The following ANKRD17 variants were observed in gnomAD, a reference collection of about 807,000 sequenced individuals.
ANKRD17 encodes the protein ankyrin repeat domain-containing protein 17.
Under a neutral mutation model 229.7 loss-of-function variants are expected in ANKRD17, and 19 were observed. The ratio of observed to expected loss-of-function variants is 0.08; its 90% CI spans 0.06 to 0.12. The LOEUF is 0.12. Among genes scored for constraint, ANKRD17 ranks in the 10% least tolerant of loss-of-function variants. The pLI is 1.00. For missense variants in ANKRD17, 2,176 were observed against 3,176.8 expected (o/e 0.68, Z 7.57); for synonymous variants, 1,112 against 1,146.1 (o/e 0.97, Z 0.60).
chr4:73,158,143 A>G (rs1029072494), intron 3 of ANKRD17, among the ~76,000 whole-genome samples: 1 of 134,544 alleles, frequency 7.4e-6, no homozygotes, highest in Non-Finnish European at 1.6e-5. Context: ...AGAAAGAAAG[A>G]AAGGAAGAAA....
rs370646965 is a variant in ANKRD17 at position 73,147,305 on chromosome 4, A to C, written c.1695T>G (p.Ser565=). 5.6e-6 allele frequency: 9 copies of C among 1,607,588 alleles called. No homozygotes were observed. The Admixed American group carries it at 1.5e-4, about 27-fold the overall frequency. The change falls in exon 9 of 34, where the codon TCT becomes TCG. Residue 565 remains serine, a synonymous_variant. Coordinates refer to ENST00000358602, the MANE Select transcript of ANKRD17 (RefSeq NM_032217.5). ...CTTGAGCAGCTTCCATTAAAGGGGT[A>C]GAACACCCTAGTTCTATATCGGCTC... ...KAGADIELGC[S]TPLMEAAQEG...
Position 73,258,616 on chromosome 4 carries a change from C to T in ANKRD17, c.53G>A (p.Gly18Glu). The T allele has an allele frequency of 2.0e-6, 3 of 1,484,968 alleles. No homozygotes were observed. Among genetic ancestry groups the T allele is most frequent in the Non-Finnish European group, 2.7e-6 (3 of 1,127,102 alleles). 92.0% of individuals were successfully genotyped at this position (1,484,968 alleles called of 1,614,324 possible). Residue 18 changes from glycine to glutamate, a missense_variant, in exon 1 of 34, where the codon GGG becomes GAG. Coordinates refer to ENST00000358602, the MANE Select transcript of ANKRD17 (RefSeq NM_032217.5). ...VAAATAAEGE[G>E]SPPAVAAVAG... is the part of the protein sequence containing the mutation. The stretch of plus-strand genomic sequence containing the variant: ...CACAGCCGCCACCGCCGGGGGGCTC[C>T]CTTCTCCTTCTGCAGCCGTCGCCGC...
At chr4:73,212,964 T>C (rs949026551) in intron 1 of ANKRD17, among the ~76,000 whole-genome samples, 1 of 148,280 alleles carries the variant, frequency 6.7e-6, no homozygotes, top group Non-Finnish European at 1.5e-5. Flanking sequence ...GAGGTGGAGG[T>C]TGCAGTGAGC....
chr4:73,224,564 CT>C (rs1205127264), intron 1 of ANKRD17, among the ~76,000 whole-genome samples: 3 of 151,948 alleles, frequency 2.0e-5, no homozygotes, highest in Non-Finnish European at 2.9e-5. Context: ...TATATGATTT[CT>C]TTTTTTAAAA....
At chr4:73,151,373 ACT>A in intron 7 of ANKRD17, 55 bp downstream of exon 7, 1 of 1,506,476 alleles carries the variant, frequency 6.6e-7, no homozygotes, top group Non-Finnish European at 9.2e-7. Context: ...ATTGTATACT[ACT>A]CTGTCTCTCC....
chr4:73,090,870 G>A lies in ANKRD17; in HGVS notation c.6758C>T (p.Pro2253Leu), dbSNP rs1355672573. The change falls in exon 29 of 34, where the codon CCC becomes CTC. Residue 2253 changes from proline (P) to leucine (L), a missense_variant. By Grantham distance (98) the Pro-to-Leu change is moderately conservative. Around this residue, in one of 18 missense-constraint regions of ANKRD17, gnomAD observed 424 missense variants for 454.0 expected, o/e 0.93. Coordinates refer to ENST00000358602, the MANE Select transcript of ANKRD17 (RefSeq NM_032217.5). The stretch of plus-strand genomic sequence containing the variant: ...GCTGTTTTCAAACAATGTGCTAAAG[G>A]GCCCAAATGGTAAGGGGGCACTGAA... ...PNFSAPLPFG[P>L]FSTLFENSPT... 1 of 1,614,066 alleles carries A rather than the reference G, an allele frequency of 6.2e-7. No homozygotes were observed. The highest frequency in any genetic ancestry group is 1.3e-5 in the African/African-American group (1 of 74,898).
chr4:73,252,021 T>C (rs1331499801), intron 1 of ANKRD17, among the ~76,000 whole-genome samples: 3 of 152,202 alleles, frequency 2.0e-5, no homozygotes, highest in Non-Finnish European at 4.4e-5. Flanking sequence ...CTACTGTAAA[T>C]AATAGCTGCA....
intron 25 of ANKRD17, chr4:73,101,241 A>G (rs546932350): frequency 1.0e-6 from 1 of 970,928 alleles, no homozygotes; most frequent in East Asian, 1.1e-4. Context: ...TAACCTAGTT[A>G]AAAATGATTC....
Position 73,155,693 on chromosome 4 carries a change from T to C in ANKRD17, c.938A>G (p.His313Arg), listed in dbSNP as rs748075179. 3.7e-6 allele frequency: 6 copies of C among 1,614,180 alleles called. No homozygotes were observed. The South Asian group carries it at 5.5e-5, about 15-fold the overall frequency. ...TPLMAAANGG[H>R]VKIVKLLLAH... ...TAGCAGCAACTTCACAATTTTGACA[T>C]GTCCTCCATTAGCAGCAGCCATTAA... The change falls in exon 5 of 34, where the codon CAT becomes CGT. Residue 313 changes from histidine (H) to arginine (R), a missense_variant. This residue lies in a region of ANKRD17 where 184 missense variants were observed against 357.8 expected (regional missense o/e 0.51). Transcript: ENST00000358602.
intron 1 of ANKRD17, among the ~76,000 whole-genome samples, chr4:73,251,458 T>C (rs1280758576): frequency 6.6e-6 from 1 of 152,010 alleles, no homozygotes; most frequent in Non-Finnish European, 1.5e-5. Flanking sequence ...ACCAGATAGG[T>C]AAGATTCAAG....
rs889159164 is a variant in ANKRD17 at position 73,112,752 on chromosome 4, G to C, written c.4401+1040C>G. On this transcript the variant is annotated intron_variant, in intron 24 of 33. Coordinates refer to ENST00000358602, the MANE Select transcript of ANKRD17 (RefSeq NM_032217.5). ...ATCTCCTTTATAAATTTAAATAGTA[G>C]ATGTTAAATTTTATAGCATTTTGAC... 9 of 788,998 alleles carry C rather than the reference G, an allele frequency of 1.1e-5. No individual in the cohort carries two copies. In the African/African-American group the frequency reaches 1.7e-4, roughly 15 times the overall value. 48.9% of individuals were successfully genotyped at this position (788,998 alleles called of 1,614,324 possible). A position where few individuals can be genotyped will look rare whatever the true frequency, so the allele number is the denominator to read the frequency against.
chr4:73,150,053 T>C (rs2148861167), intron 7 of ANKRD17, among the ~76,000 whole-genome samples: 1 of 152,310 alleles, frequency 6.6e-6, no homozygotes, highest in East Asian at 1.9e-4. Context: ...TTTTTGCCTC[T>C]ATGCTTGTCA....
chr4:73,155,980 A>T (rs762439118), intron 4 of ANKRD17, 39 bp downstream of exon 4: 52 of 1,537,404 alleles, frequency 3.4e-5, no homozygotes, highest in Non-Finnish European at 4.1e-5. Flanking sequence ...GCCAGTTTTT[A>T]AAAAAACAAC....
At chr4:73,181,385 T>C (rs1300735020) in intron 1 of ANKRD17, among the ~76,000 whole-genome samples, 3 of 151,956 alleles carry the variant, frequency 2.0e-5, no homozygotes, top group Non-Finnish European at 4.4e-5. Flanking sequence ...CATAAGGTAA[T>C]GAGAAAGAAA....
chr4:73,093,520 A>C (rs890763702), intron 28 of ANKRD17, among the ~76,000 whole-genome samples: 27 of 151,830 alleles, frequency 1.8e-4, no homozygotes, highest in Non-Finnish European at 1.6e-4. Context: ...TGAGATTACA[A>C]GCATGCACCA....
chr4:73,097,965 A>C, intron 26 of ANKRD17, 108 bp downstream of exon 26: 1 of 1,029,154 alleles, frequency 9.7e-7, no homozygotes. Flanking sequence ...TAGCACAAAG[A>C]AAAATCCTAT....
chr4:73,108,758 C>T (rs1578072749), intron 24 of ANKRD17, among the ~76,000 whole-genome samples: 3 of 152,080 alleles, frequency 2.0e-5, no homozygotes, highest in Non-Finnish European at 4.4e-5. Context: ...TGACTGAAAG[C>T]GGCGGTTCAG....
At chr4:73,220,237 T>C (rs937543631) in intron 1 of ANKRD17, among the ~76,000 whole-genome samples, 2 of 152,180 alleles carry the variant, frequency 1.3e-5, no homozygotes, top group African/African-American at 4.8e-5. Flanking sequence ...GGTATTTATA[T>C]GAGCTGTCAG....
intron 16 of ANKRD17, among the ~76,000 whole-genome samples, chr4:73,133,842 GA>G (rs1728564151): frequency 6.6e-6 from 1 of 152,022 alleles, no homozygotes; most frequent in African/African-American, 2.4e-5. Flanking sequence ...CATTACAAAA[GA>G]AAAAAAGAAT....
Sources: allele counts gnomAD v4.1 joint callset (sites outside exome capture counted in the v4.1 genomes callset), GRCh38; gene constraint gnomAD v4.1.1; regional missense constraint gnomAD v4.1.1; transcripts MANE v1.5; gene names NCBI Gene and HGNC (gene_info 2026-07-23, HGNC 2026-07-21).